The following EML3 variants were observed in gnomAD, a reference collection of about 807,000 sequenced individuals.
EML3 encodes the protein echinoderm microtubule-associated protein-like 3.
In EML3, 53 loss-of-function variants were observed where a neutral mutation model predicts 106.7. The observed-to-expected ratio is 0.50, with a 90% CI of 0.40 to 0.62. The LOEUF (loss-of-function observed/expected upper bound fraction) is 0.62. Among genes scored for constraint, EML3 ranks in the 20% least tolerant of loss-of-function variants. EML3 has a pLI of 0.00. For synonymous variants in EML3, 499 were observed against 489.6 expected, an observed-to-expected ratio of 1.02 and a Z score of -0.25; for missense variants, 994 against 1,209.1, an observed-to-expected ratio of 0.82 and a Z score of 2.64.
intron 10 of EML3, 63 bp downstream of exon 10, chr11:62,608,138 C>T: frequency 1.3e-6 from 2 of 1,485,570 alleles, no homozygotes; most frequent in East Asian, 2.3e-5. Flanking sequence ...GTCTGGAGCT[C>T]CCTGCACTCC....
At chr11:62,611,943 T>G in intron 1 of EML3, 1 of 365,256 alleles carries the variant, frequency 2.7e-6, no homozygotes, top group Non-Finnish European at 5.0e-6. Flanking sequence ...ACCGCAGCCC[T>G]CCCCACGCGC....
At chr11:62,610,114 G>A (rs1233668585) in intron 4 of EML3, among the ~76,000 whole-genome samples, 2 of 152,172 alleles carry the variant, frequency 1.3e-5, no homozygotes, top group Non-Finnish European at 2.9e-5. Context: ...CGCGCCACTA[G>A]GCCCCGCTAT....
Position 62,605,846 on chromosome 11 carries a change from AC to A in EML3, c.1782+8del, listed in dbSNP as rs1345515921. 1 of 1,613,638 alleles carries A rather than the reference AC, an allele frequency of 6.2e-7. No homozygotes were observed. The highest frequency in any genetic ancestry group is 8.5e-7 in the Non-Finnish European group (1 of 1,179,868). ...TGTCCCTTCCTCCCCTGAGCCCTTA[AC>A]CCCCAACCTGGATTACAGGGGAGAA... On this transcript the variant is annotated splice_region_variant and intron_variant, in intron 14 of 21. Transcript: ENST00000394773. The surrounding 1 kb of genome is among the most constrained non-coding windows in gnomAD (Gnocchi z 5.2).
Position 62,602,254 on chromosome 11 carries a change from A to G in EML3, c.*221T>C, listed in dbSNP as rs1942245495. ...TCTGGTTTATTGCCCCTCAGCAGGC[A>G]GCGGGAGTCAAGGCCTAGGCTGGGG... On this transcript the variant is annotated 3_prime_UTR_variant, in exon 22 of 22. Coordinates refer to ENST00000394773, the MANE Select transcript of EML3 (RefSeq NM_153265.3). 1 of 1,546,390 alleles carries G rather than the reference A, an allele frequency of 6.5e-7. No homozygotes were observed. Among genetic ancestry groups the G allele is most frequent in the Admixed American group, 2.0e-5 (1 of 50,304 alleles).
chr11:62,612,396 T>C lies in EML3; in HGVS notation c.22+40A>G, dbSNP rs552239953. On this transcript the variant is annotated intron_variant, in intron 1 of 21. Coordinates refer to ENST00000394773, the MANE Select transcript of EML3 (RefSeq NM_153265.3). ...TGGCATAACCCGACGAGCCGGGCGC[T>C]CCGGGAAGGGGCACGCCGCCCGCCC... 123 of 1,498,122 alleles carry C rather than the reference T, an allele frequency of 8.2e-5. No homozygotes were observed. In the African/African-American group the frequency reaches 1.5e-3, roughly 18 times the overall value. The allele number at this position is 1,498,122 out of a possible 1,614,324, so 92.8% of individuals were successfully genotyped here.
Position 62,611,486 on chromosome 11 carries a change from G to T in EML3, c.133C>A (p.Arg45=). 1.9e-6 allele frequency: 3 copies of T among 1,613,756 alleles called. No individual in the cohort carries two copies. Among genetic ancestry groups the T allele is most frequent in the Middle Eastern group, 3.3e-4 (2 of 6,056 alleles). ...AALAEALRLL[R]LQVPPSSLQG... ...AGGGAGGAAGGGGGCACCTGCAGCC[G>T]CAGCAGGCGAAGGGCTTCTGCCAGG... The change falls in exon 2 of 22, where the codon CGG becomes AGG. Residue 45 remains arginine (R), a synonymous_variant. Transcript: ENST00000394773.
In EML3 at chr11:62,611,426, T is replaced by C. The variant is rs751760275; in HGVS notation, c.193A>G (p.Ser65Gly). ...AATGGGGTGTGATGACATGCATACCTGTCCCCCGGAGGAGCTGGTGTGCCA... is the reference window on the plus strand; with the variant it reads ...AATGGGGTGTGATGACATGCATACCCGTCCCCCGGAGGAGCTGGTGTGCCA... ...GSGTPAPPGD[S>G]LAAPPGLPPT... Residue 65 changes from serine to glycine, a missense_variant and splice_region_variant, in exon 2 of 22, where the codon AGT (serine) becomes GGT (glycine). Coordinates refer to ENST00000394773, the MANE Select transcript of EML3 (RefSeq NM_153265.3). 2.5e-6 allele frequency: 4 copies of C among 1,613,694 alleles called. No individual in the cohort carries two copies. Among genetic ancestry groups the C allele is most frequent in the Non-Finnish European group, 3.4e-6 (4 of 1,179,818 alleles).
chr11:62,611,566 G>C lies in EML3; in HGVS notation c.53C>G (p.Ser18Cys), dbSNP rs1942830471. ...CTGCACCCGAAGCCGCTGGCTCAGA[G>C]ACTGGAGGGCCTCCCGAGCAGGGCC... Reference protein sequence around the residue: ...GDGPAREALQSLSQRLRVQEQ... With the variant: ...GDGPAREALQCLSQRLRVQEQ... The change falls in exon 2 of 22, where the codon TCT becomes TGT. Residue 18 changes from serine (S) to cysteine (C), a missense_variant. Ser to Cys is a moderately radical substitution (Grantham distance 112). Coordinates refer to ENST00000394773, the MANE Select transcript of EML3 (RefSeq NM_153265.3). 2.5e-6 allele frequency: 4 copies of C among 1,613,716 alleles called. No homozygotes were observed. The highest frequency in any genetic ancestry group is 3.4e-6 in the Non-Finnish European group (4 of 1,179,976).
At position 62,609,675 on chromosome 11, in the gene EML3, G is replaced by C; in HGVS notation, c.588C>G (p.Leu196=). ...GAGATCCAGGGCCCCCAGGGCTGGA[G>C]AGGGGGTCTTTTCCCCCACGGCTGT... The part of the protein sequence containing the change: ...STESRGGKDP[L]SSPGGPGSRR... Residue 196 remains leucine, a synonymous_variant, in exon 5 of 22, where the codon CTC becomes CTG. Coordinates refer to ENST00000394773, the MANE Select transcript of EML3 (RefSeq NM_153265.3). The C allele has an allele frequency of 6.2e-7, 1 of 1,606,766 alleles. No homozygotes were observed. The highest frequency in any genetic ancestry group is 2.2e-5 in the East Asian group (1 of 44,448).
chr11:62,611,787 C>T, intron 1 of EML3, 191 bp from the exon 2 acceptor site: 1 of 649,232 alleles, frequency 1.5e-6, no homozygotes, highest in Non-Finnish European at 2.5e-6. Flanking sequence ...GCAGGGCAGG[C>T]GAGAAACCTG....
Position 62,607,799 on chromosome 11 carries a change from G to A in EML3, c.1229C>T (p.Ala410Val), listed in dbSNP as rs1202993187. 1 of 1,613,790 alleles carries A rather than the reference G, an allele frequency of 6.2e-7. No individual in the cohort carries two copies. Among genetic ancestry groups the A allele is most frequent in the Non-Finnish European group, 8.5e-7 (1 of 1,179,910 alleles). ...EIKSTNDSVL[A>V]VGFNPRDSSC... Reference sequence around the variant, plus strand: ...GCTGTCACGAGGGTTGAAGCCAACGGCCAGGACTGAGTCATTTGTACTCTG... The same window carrying A: ...GCTGTCACGAGGGTTGAAGCCAACGACCAGGACTGAGTCATTTGTACTCTG... The change falls in exon 11 of 22, where the codon GCC (alanine) becomes GTC (valine). Residue 410 changes from alanine (A) to valine (V), a missense_variant. Ala to Val is a moderately conservative substitution (Grantham distance 64, BLOSUM62 0). This residue lies in a region of EML3 where 713 missense variants were observed against 920.5 expected (regional missense o/e 0.77). Coordinates refer to ENST00000394773, the MANE Select transcript of EML3 (RefSeq NM_153265.3).
chr11:62,612,359 GC>G, intron 1 of EML3, 76 bp downstream of exon 1: 1 of 1,426,594 alleles, frequency 7.0e-7, no homozygotes, highest in Non-Finnish European at 9.4e-7. Flanking sequence ...CCTCCAGACA[GC>G]CGTCCAGCTC....
rs1354460706 is a variant in EML3 at position 62,612,757 on chromosome 11, C to T, written c.-300G>A. ...CGCCGCAGCACAAACAGGCGCCGGA[C>T]GCGGAGCCGCCAGGAAGCGCGGGAG... is the stretch of plus-strand genomic sequence containing the variant. On this transcript the variant is annotated 5_prime_UTR_variant, in exon 1 of 22. Coordinates refer to ENST00000394773, the MANE Select transcript of EML3 (RefSeq NM_153265.3). 2 of 215,448 alleles carry T rather than the reference C, an allele frequency of 9.3e-6. No homozygotes were observed. Among genetic ancestry groups the T allele is most frequent in the East Asian group, 9.2e-5 (1 of 10,900 alleles). The allele number at this position is 215,448 out of a possible 1,614,324, so 13.3% of individuals were successfully genotyped here. A position where few individuals can be genotyped will look rare whatever the true frequency, so the allele number is the denominator to read the frequency against.
chr11:62,612,580 C>T lies in EML3; in HGVS notation c.-123G>A. The T allele has an allele frequency of 1.0e-6, 1 of 995,618 alleles. No homozygotes were observed. 61.7% of individuals were successfully genotyped at this position (995,618 alleles called of 1,614,324 possible). A position where few individuals can be genotyped will look rare whatever the true frequency, so the allele number is the denominator to read the frequency against. On this transcript the variant is annotated 5_prime_UTR_variant, in exon 1 of 22. Transcript: ENST00000394773. Reference sequence around the variant, plus strand: ...CGCGCGAAGGGCGCCGTACCACCACCCCGAGGGGGCGCTGTCGGGCGCGGG... The same window carrying T: ...CGCGCGAAGGGCGCCGTACCACCACTCCGAGGGGGCGCTGTCGGGCGCGGG...
At chr11:62,610,769 C>A in intron 4 of EML3, 110 bp downstream of exon 4, 1 of 949,096 alleles carries the variant, frequency 1.1e-6, no homozygotes, top group Non-Finnish European at 1.6e-6. Context: ...TTCTTTATTC[C>A]TGTTGGGCAA....
At chr11:62,603,697 C>T in intron 19 of EML3, 32 bp downstream of exon 19, 1 of 1,596,058 alleles carries the variant, frequency 6.3e-7, no homozygotes, top group South Asian at 1.1e-5. Flanking sequence ...TCCAATTACC[C>T]TCTCCCCATG....
At chr11:62,606,332 T>C in intron 12 of EML3, 118 bp from the exon 13 acceptor site, 2 of 1,154,468 alleles carry the variant, frequency 1.7e-6, no homozygotes, top group Non-Finnish European at 1.2e-6. Context: ...CTGACTACTA[T>C]GTCTCATCCT....
intron 6 of EML3, 57 bp from the exon 7 acceptor site, chr11:62,609,189 G>A: frequency 1.2e-6 from 2 of 1,605,458 alleles, no homozygotes; most frequent in Non-Finnish European, 1.7e-6. Flanking sequence ...AGGAGGAAGA[G>A]GGGAGAAAGA....
intron 19 of EML3, among the ~76,000 whole-genome samples, 200 bp downstream of exon 19, chr11:62,603,529 G>C (rs1180221815): frequency 6.6e-6 from 1 of 152,122 alleles, no homozygotes; most frequent in Non-Finnish European, 1.5e-5. Flanking sequence ...TTTTCTTAGC[G>C]CATTTTTGAA....
Sources: gnomAD v4.1 joint callset for allele counts (sites outside exome capture counted in the v4.1 genomes callset) on GRCh38, gnomAD v4.1.1 for gene constraint, gnomAD v4.1.1 regional missense constraint, Gnocchi (gnomAD v3.1) non-coding constraint, MANE v1.5 for transcripts, NCBI Gene and HGNC (gene_info 2026-07-23, HGNC 2026-07-21) for gene names.